The following PTK6 variants were observed in gnomAD, a reference collection of about 807,000 sequenced individuals.
PTK6 encodes the protein protein-tyrosine kinase 6.
A neutral mutation model predicts 47.5 loss-of-function variants in PTK6; 47 were observed. The observed-to-expected ratio is 0.99, with a 90% confidence interval of 0.78 to 1.26. The LOEUF is 1.26. Ranked by LOEUF, PTK6 falls within the 50% of genes most tolerant of loss-of-function variation. PTK6 has a pLI of 0.00. For missense variants in PTK6, 618 were observed against 625.3 expected, an observed-to-expected ratio of 0.99 and a Z score of 0.12; for synonymous variants, 287 against 276.5, an observed-to-expected ratio of 1.04 and a Z score of -0.38.
At position 63,528,844 on chromosome 20, in the gene PTK6, A is replaced by C. The variant is rs1423474703; in HGVS notation, c.*692T>G. The C allele has an allele frequency of 2.6e-5, 4 of 152,330 alleles. No individual in the cohort carries two copies. Among genetic ancestry groups the C allele is most frequent in the Non-Finnish European group, 5.9e-5 (4 of 68,168 alleles). 9.4% of individuals were successfully genotyped at this position (152,330 alleles called of 1,614,324 possible). ...AAAGGAGGCAGCCCCCCCAGCCCGG[A>C]ACCACCCCACAGACAGTAGAGAAGG... is the stretch of plus-strand genomic sequence containing the variant. On this transcript the variant is annotated 3_prime_UTR_variant, in exon 8 of 8. Coordinates refer to ENST00000542869, the MANE Select transcript of PTK6 (RefSeq NM_005975.4).
At position 63,529,046 on chromosome 20, in the gene PTK6, T is replaced by C. The variant is rs1008111083; in HGVS notation, c.*490A>G. 1 of 152,556 alleles carries C rather than the reference T, an allele frequency of 6.6e-6. No individual in the cohort carries two copies. The highest frequency in any genetic ancestry group is 2.4e-5 in the African/African-American group (1 of 41,414). The allele number at this position is 152,556 out of a possible 1,614,324, so 9.5% of individuals were successfully genotyped here. ...TCTCACTGGTCATAAGGCCAAGCTC[T>C]CAAGACACAAGACAAACAGGAAAGA... On this transcript the variant is annotated 3_prime_UTR_variant, in exon 8 of 8. Coordinates refer to ENST00000542869, the MANE Select transcript of PTK6 (RefSeq NM_005975.4). This position sits in a 1 kb window ranked among gnomAD's most constrained non-coding sequence, Gnocchi z 5.6.
Position 63,530,269 on chromosome 20 carries a change from G to A in PTK6, c.1015-38C>T. 2 of 1,606,854 alleles carry A rather than the reference G, an allele frequency of 1.2e-6. No homozygotes were observed. The highest frequency in any genetic ancestry group is 1.1e-5 in the South Asian group (1 of 90,800). On this transcript the variant is annotated intron_variant, in intron 6 of 7. Transcript: ENST00000542869. The surrounding 1 kb of genome is among the most constrained non-coding windows in gnomAD (Gnocchi z 4.1). ...TGGAGCTGAGTGGGCCGTGGGGGCT[G>A]CCTGTGCCCTGCCCCCGAAGCATGG... is the stretch of plus-strand genomic sequence containing the variant.
chr20:63,535,075 C>G lies in PTK6; in HGVS notation c.231-16G>C. 6.3e-7 allele frequency: 1 copy of G among 1,585,438 alleles called. No individual in the cohort carries two copies. Among genetic ancestry groups the G allele is most frequent in the Non-Finnish European group, 8.6e-7 (1 of 1,159,824 alleles). ...AAAGAACCACCTGCAGGGGAGGAGT[C>G]TGAGAACACGCGGACCTGGGCCCAC... On this transcript the variant is annotated splice_polypyrimidine_tract_variant and intron_variant, in intron 1 of 7. Coordinates refer to ENST00000542869, the MANE Select transcript of PTK6 (RefSeq NM_005975.4).
In PTK6 at chr20:63,533,925, C is replaced by T. The variant is rs1273502910; in HGVS notation, c.517-221G>A. On this transcript the variant is annotated intron_variant, in intron 3 of 7. Transcript: ENST00000542869. The surrounding 1 kb of genome is among the most constrained non-coding windows in gnomAD (Gnocchi z 4.0). ...CCGGAGCCAGGACCCTGCAGAGTGC[C>T]GCTGGCCTCTCCGAGAGTGGCCAGG... Among the ~76,000 whole-genome samples, 3 of 152,256 alleles carry T rather than the reference C, an allele frequency of 2.0e-5. No individual in the cohort carries two copies. Among genetic ancestry groups the T allele is most frequent in the East Asian group, 3.9e-4 (2 of 5,154 alleles).
chr20:63,529,380 G>C lies in PTK6; in HGVS notation c.*156C>G, dbSNP rs747924318. The C allele has an allele frequency of 5.1e-6, 4 of 784,058 alleles. No homozygotes were observed. In the South Asian group the frequency reaches 6.0e-5, roughly 12 times the overall value. The allele number at this position is 784,058 out of a possible 1,614,324, so 48.6% of individuals were successfully genotyped here. Reference sequence around the variant, plus strand: ...CGATGGAGTAAGGAGAGGAGCACACGCGTGTATTGGACGCAGACACTCCAC... The same window carrying C: ...CGATGGAGTAAGGAGAGGAGCACACCCGTGTATTGGACGCAGACACTCCAC... On this transcript the variant is annotated 3_prime_UTR_variant, in exon 8 of 8. Transcript: ENST00000542869. The surrounding 1 kb of genome is among the most constrained non-coding windows in gnomAD (Gnocchi z 5.6).
Position 63,535,071 on chromosome 20 carries a change from G to C in PTK6, c.231-12C>G. 6.3e-7 allele frequency: 1 copy of C among 1,588,594 alleles called. No homozygotes were observed. Among genetic ancestry groups the C allele is most frequent in the Non-Finnish European group, 8.6e-7 (1 of 1,161,782 alleles). Reference sequence around the variant, plus strand: ...AGCCAAAGAACCACCTGCAGGGGAGGAGTCTGAGAACACGCGGACCTGGGC... The same window carrying C: ...AGCCAAAGAACCACCTGCAGGGGAGCAGTCTGAGAACACGCGGACCTGGGC... On this transcript the variant is annotated splice_polypyrimidine_tract_variant and intron_variant, in intron 1 of 7. Transcript: ENST00000542869.
rs377222793 is a variant in PTK6, at chr20:63,536,594, G to A, written c.230+491C>T. Among the ~76,000 whole-genome samples the A allele has an allele frequency of 0.012, 1,756 of 152,160 alleles. 217 individuals are homozygous for A. In the South Asian group the frequency reaches 0.29, roughly 25 times the overall value. On this transcript the variant is annotated intron_variant, in intron 1 of 7. Coordinates refer to ENST00000542869, the MANE Select transcript of PTK6 (RefSeq NM_005975.4). ...CCAGCTGCTGTCTGGTTCCCCGCAG[G>A]GCACAGCAGGCAGGAAGTTTGCCCG... is the stretch of plus-strand genomic sequence containing the variant.
At chr20:63,536,939 G>A in intron 1 of PTK6, 146 bp downstream of exon 1, 1 of 875,690 alleles carries the variant, frequency 1.1e-6, no homozygotes, top group Non-Finnish European at 1.7e-6. Context: ...GATCAAGCGG[G>A]ATGCCCAGCC....
chr20:63,530,735 G>C lies in PTK6; in HGVS notation c.1014+11C>G. On this transcript the variant is annotated intron_variant, in intron 6 of 7. Coordinates refer to ENST00000542869, the MANE Select transcript of PTK6 (RefSeq NM_005975.4). This position sits in a 1 kb window ranked among gnomAD's most constrained non-coding sequence, Gnocchi z 4.1. ...GGCCACGACCCCAGCCACGCCCTCT[G>C]AGGGCCCTACCTTGATAAGCCTGGC... 6.2e-7 allele frequency: 1 copy of C among 1,612,964 alleles called. No homozygotes were observed. Among genetic ancestry groups the C allele is most frequent in the South Asian group, 1.1e-5 (1 of 91,000 alleles).
rs752698447 is a variant in PTK6, at chr20:63,529,494, C to T, written c.*42G>A. 6.7e-7 allele frequency: 1 copy of T among 1,502,974 alleles called. No individual in the cohort carries two copies. The highest frequency in any genetic ancestry group is 8.9e-7 in the Non-Finnish European group (1 of 1,126,146). The allele number at this position is 1,502,974 out of a possible 1,614,324, so 93.1% of individuals were successfully genotyped here. A position where few individuals can be genotyped will look rare whatever the true frequency, so the allele number is the denominator to read the frequency against. ...CCCAGGTCCAGGCCCTCTGCCCAGG[C>T]CCCTCCTCAGCAGGGCCCGGCCATG... On this transcript the variant is annotated 3_prime_UTR_variant, in exon 8 of 8. Transcript: ENST00000542869. The surrounding 1 kb of genome is among the most constrained non-coding windows in gnomAD (Gnocchi z 5.6).
At position 63,533,508 on chromosome 20, in the gene PTK6, G is replaced by A. The variant is rs757965325; in HGVS notation, c.670+43C>T. 25 of 1,534,574 alleles carry A rather than the reference G, an allele frequency of 1.6e-5. No homozygotes were observed. In the Middle Eastern group the frequency reaches 5.2e-4, roughly 32 times the overall value. On this transcript the variant is annotated intron_variant, in intron 4 of 7. Transcript: ENST00000542869. This position sits in a 1 kb window ranked among gnomAD's most constrained non-coding sequence, Gnocchi z 4.0. The stretch of plus-strand genomic sequence containing the variant: ...TGGCGGGGTGGGAGGGTGGCCCAGG[G>A]CAGGCACGGGGCCACACAGAGCCCT...
Position 63,534,400 on chromosome 20 carries a change from A to C in PTK6, c.353-85T>G, listed in dbSNP as rs532408594. On this transcript the variant is annotated intron_variant, in intron 2 of 7. Coordinates refer to ENST00000542869, the MANE Select transcript of PTK6 (RefSeq NM_005975.4). ...AGCCCTGCTGGCCACACCTGCGCAG[A>C]GTTTCTGGGTCCCCACAGTTGCTGT... is the stretch of plus-strand genomic sequence containing the variant. 8.3e-6 allele frequency: 12 copies of C among 1,449,578 alleles called. No individual in the cohort carries two copies. The South Asian group carries it at 1.1e-4, about 13-fold the overall frequency. 89.8% of individuals were successfully genotyped at this position (1,449,578 alleles called of 1,614,324 possible).
intron 1 of PTK6, among the ~76,000 whole-genome samples, chr20:63,536,742 C>T (rs1218163261): frequency 1.3e-5 from 2 of 152,234 alleles, no homozygotes; most frequent in Non-Finnish European, 2.9e-5. Flanking sequence ...TGTCACTGGC[C>T]ACCGGGCCCC....
At position 63,532,699 on chromosome 20, in the gene PTK6, G is replaced by C. The variant is rs776743414; in HGVS notation, c.671-12C>G. On this transcript the variant is annotated splice_polypyrimidine_tract_variant and intron_variant, in intron 4 of 7. Transcript: ENST00000542869. ...GTGCAGGAGGTTGTCTGCGGGGACGGGTGGCCTCGGTGGATGCAGCCCCTG... is the reference window on the plus strand; with the variant it reads ...GTGCAGGAGGTTGTCTGCGGGGACGCGTGGCCTCGGTGGATGCAGCCCCTG... 6.2e-7 allele frequency: 1 copy of C among 1,611,410 alleles called. No homozygotes were observed. The highest frequency in any genetic ancestry group is 2.2e-5 in the East Asian group (1 of 44,838).
Position 63,530,162 on chromosome 20 carries a change from C to T in PTK6, c.1084G>A (p.Gly362Ser), listed in dbSNP as rs1017638027. 7.4e-6 allele frequency: 12 copies of T among 1,613,998 alleles called. No individual in the cohort carries two copies. The highest frequency in any genetic ancestry group is 8.5e-7 in the Non-Finnish European group (1 of 1,180,014). ...KWTAPEALSR[G>S]HYSTKSDVWS... ...ACGTCGGATTTGGTGGAGTAATGGC[C>T]TCGGGAGAGCGCTTCAGGGGCCGTC... Residue 362 changes from glycine to serine, a missense_variant, in exon 7 of 8, where the codon GGC (glycine) becomes AGC (serine). By Grantham distance (56) the Gly-to-Ser change is moderately conservative. Coordinates refer to ENST00000542869, the MANE Select transcript of PTK6 (RefSeq NM_005975.4). This position sits in a 1 kb window ranked among gnomAD's most constrained non-coding sequence, Gnocchi z 4.1.
At chr20:63,534,813 G>T in intron 2 of PTK6, 125 bp downstream of exon 2, 1 of 1,354,742 alleles carries the variant, frequency 7.4e-7, no homozygotes, top group Non-Finnish European at 9.7e-7. Flanking sequence ...GGGGATGGGA[G>T]CTCCCTGGAG....
rs965225292 is a variant in PTK6 at position 63,533,937 on chromosome 20, C to T, written c.516+215G>A. 1.3e-5 allele frequency among the ~76,000 whole-genome samples: 2 copies of T among 152,132 alleles called. No homozygotes were observed. Among genetic ancestry groups the T allele is most frequent in the Non-Finnish European group, 2.9e-5 (2 of 68,010 alleles). Reference sequence around the variant, plus strand: ...CCCTGCAGAGTGCCGCTGGCCTCTCCGAGAGTGGCCAGGCCCGGGGATGGT... The same window carrying T: ...CCCTGCAGAGTGCCGCTGGCCTCTCTGAGAGTGGCCAGGCCCGGGGATGGT... On this transcript the variant is annotated intron_variant, in intron 3 of 7. Transcript: ENST00000542869. This position sits in a 1 kb window ranked among gnomAD's most constrained non-coding sequence, Gnocchi z 4.0.
At chr20:63,534,755 A>G in intron 2 of PTK6, 183 bp downstream of exon 2, 1 of 938,670 alleles carries the variant, frequency 1.1e-6, no homozygotes. Context: ...CGACTACCCT[A>G]GCAGCCAGTG....
chr20:63,530,886 T>C lies in PTK6; in HGVS notation c.874A>G (p.Ile292Val). ...KVLPVSELLD[I>V]AWQVAEGMCY... ...ATGCCCTCAGCCACCTGCCAGGCGATGTCCAGCAGCTCCGAAACGGGCAGG... is the reference window on the plus strand; with the variant it reads ...ATGCCCTCAGCCACCTGCCAGGCGACGTCCAGCAGCTCCGAAACGGGCAGG... Residue 292 changes from isoleucine to valine, a missense_variant, in exon 6 of 8, where the codon ATC becomes GTC. Coordinates refer to ENST00000542869, the MANE Select transcript of PTK6 (RefSeq NM_005975.4). The surrounding 1 kb of genome is among the most constrained non-coding windows in gnomAD (Gnocchi z 4.1). The C allele has an allele frequency of 1.9e-6, 3 of 1,613,614 alleles. No homozygotes were observed. Among genetic ancestry groups the C allele is most frequent in the Non-Finnish European group, 2.5e-6 (3 of 1,179,832 alleles).
Sources: allele counts gnomAD v4.1 joint callset (sites outside exome capture counted in the v4.1 genomes callset), GRCh38; gene constraint gnomAD v4.1.1; non-coding constraint Gnocchi (gnomAD v3.1); transcripts MANE v1.5; gene names NCBI Gene and HGNC (gene_info 2026-07-23, HGNC 2026-07-21).